The following IL1RAPL1 variants were observed in gnomAD, a reference collection of about 807,000 sequenced individuals.
IL1RAPL1 encodes interleukin 1 receptor accessory protein like 1, also known as interleukin-1 receptor accessory protein-like 1.
A neutral mutation model predicts 48.4 loss-of-function variants in IL1RAPL1; 3 were observed. The observed-to-expected ratio is 0.06, with a 90% CI of 0.03 to 0.16. The LOEUF (loss-of-function observed/expected upper bound fraction) is 0.16. Among genes scored for constraint, IL1RAPL1 ranks in the 10% least tolerant of loss-of-function variants. IL1RAPL1 has a pLI of 1.00. For missense variants in IL1RAPL1, 349 were observed against 530.6 expected (o/e 0.66, Z 3.36); for synonymous variants, 185 against 187.7 (o/e 0.99, Z 0.12).
At chrX:29,944,680 T>C (rs1015973859) in intron 9 of IL1RAPL1, among the ~76,000 whole-genome samples, 2 of 111,816 alleles carry the variant, frequency 1.8e-5, no homozygotes, top group African/African-American at 6.5e-5. Flanking sequence ...TCTTTTACTC[T>C]TGTTTAAACC....
intron 5 of IL1RAPL1, among the ~76,000 whole-genome samples, chrX:29,586,335 T>A (rs952547258): frequency 3.2e-4 from 36 of 111,886 alleles, no homozygotes; most frequent in African/African-American, 1.1e-3. Flanking sequence ...TCGGTACTCC[T>A]GTCAAAGATC....
chrX:29,668,093 A>T (rs905262741), intron 5 of IL1RAPL1, among the ~76,000 whole-genome samples: 3 of 112,372 alleles, frequency 2.7e-5, no homozygotes, highest in African/African-American at 9.7e-5. Flanking sequence ...ACAGAAAAAA[A>T]TGCAGGACAT....
At chrX:29,312,076 G>A (rs1932733514) in intron 3 of IL1RAPL1, among the ~76,000 whole-genome samples, 1 of 111,881 alleles carries the variant, frequency 8.9e-6, no homozygotes, top group African/African-American at 3.3e-5. Flanking sequence ...GGTGGGTGCA[G>A]AATCAAAATT....
chrX:29,636,907 A>G (rs1216225652), intron 5 of IL1RAPL1, among the ~76,000 whole-genome samples: 1 of 110,133 alleles, frequency 9.1e-6, no homozygotes, highest in Admixed American at 9.8e-5. Flanking sequence ...TGGTACAAAT[A>G]CAAAATACAG....
At chrX:28,751,486 T>C (rs1424141819) in intron 1 of IL1RAPL1, among the ~76,000 whole-genome samples, 4 of 112,181 alleles carry the variant, frequency 3.6e-5, no homozygotes, top group Non-Finnish European at 7.5e-5. Flanking sequence ...GTTTATGTTT[T>C]GTAATTAAAT....
intron 3 of IL1RAPL1, among the ~76,000 whole-genome samples, chrX:29,333,769 A>C (rs899630344): frequency 3.7e-4 from 9 of 24,081 alleles, no homozygotes; most frequent in Non-Finnish European, 4.7e-4. Flanking sequence ...GACCCCCCCC[A>C]CCTCCCTCCC....
intron 2 of IL1RAPL1, among the ~76,000 whole-genome samples, chrX:28,865,811 A>G: frequency 8.9e-6 from 1 of 112,338 alleles, no homozygotes; most frequent in East Asian, 2.8e-4. Context: ...ATGCCTCAAG[A>G]TGAAATGTGT....
chrX:29,531,824 C>T (rs1315781919), intron 5 of IL1RAPL1, among the ~76,000 whole-genome samples: 5 of 111,793 alleles, frequency 4.5e-5, no homozygotes, highest in African/African-American at 1.6e-4. Flanking sequence ...CAGCCTCTGC[C>T]TTTATCTTCA....
At chrX:29,775,548 G>A (rs1929175538) in intron 6 of IL1RAPL1, among the ~76,000 whole-genome samples, 1 of 111,251 alleles carries the variant, frequency 9.0e-6, no homozygotes. Context: ...AGAGCTTCCT[G>A]GAGCTTTCAG....
chrX:29,072,329 A>C (rs1295028501), intron 2 of IL1RAPL1, among the ~76,000 whole-genome samples: 1 of 111,615 alleles, frequency 9.0e-6, no homozygotes, highest in Non-Finnish European at 1.9e-5. Flanking sequence ...TGAATCTTAA[A>C]TTACTGGCAC....
At chrX:29,501,750 C>T (rs750245230) in intron 5 of IL1RAPL1, among the ~76,000 whole-genome samples, 1 of 106,620 alleles carries the variant, frequency 9.4e-6, no homozygotes, top group African/African-American at 3.4e-5. Flanking sequence ...TAATGTGATG[C>T]GTACACCTTT....
At chrX:29,544,883 C>T (rs890133880) in intron 5 of IL1RAPL1, among the ~76,000 whole-genome samples, 10 of 109,667 alleles carry the variant, frequency 9.1e-5, no homozygotes, top group South Asian at 3.9e-4. Flanking sequence ...GAGGTAATTA[C>T]GTTAAAAATG....
chrX:29,310,372 G>C (rs1368350766), intron 3 of IL1RAPL1, among the ~76,000 whole-genome samples: 1 of 110,403 alleles, frequency 9.1e-6, no homozygotes, highest in Non-Finnish European at 1.9e-5. Context: ...GCTGAAACTA[G>C]AAAACAGAAC....
chrX:28,766,522 TA>T (rs1403270728), intron 1 of IL1RAPL1, among the ~76,000 whole-genome samples: 4 of 111,878 alleles, frequency 3.6e-5, no homozygotes, highest in African/African-American at 9.7e-5. Context: ...CTCAAGCATT[TA>T]TTTTTTGTGT....
At chrX:29,024,394 G>A (rs949005657) in intron 2 of IL1RAPL1, among the ~76,000 whole-genome samples, 3 of 111,659 alleles carry the variant, frequency 2.7e-5, no homozygotes, top group Admixed American at 9.5e-5. Flanking sequence ...ATTGAATCAC[G>A]TAGTGATTAA....
chrX:29,005,584 C>A (rs774946008), intron 2 of IL1RAPL1, among the ~76,000 whole-genome samples: 3 of 111,623 alleles, frequency 2.7e-5, no homozygotes, highest in African/African-American at 9.8e-5. Flanking sequence ...GAACATTATT[C>A]GAGTAGCTGC....
intron 2 of IL1RAPL1, among the ~76,000 whole-genome samples, chrX:29,046,021 C>T (rs1052029453): frequency 1.6e-4 from 13 of 83,733 alleles, no homozygotes; most frequent in Non-Finnish European, 2.6e-4. Context: ...TCTTTTTCTT[C>T]TTCCTCTTCT....
At chrX:28,919,497 G>A (rs1923566465) in intron 2 of IL1RAPL1, among the ~76,000 whole-genome samples, 1 of 112,090 alleles carries the variant, frequency 8.9e-6, no homozygotes, top group African/African-American at 3.2e-5. Flanking sequence ...AAACTATAGA[G>A]GAATTTTTTT....
intron 3 of IL1RAPL1, among the ~76,000 whole-genome samples, chrX:29,362,677 G>C (rs1933392923): frequency 8.9e-6 from 1 of 111,835 alleles, no homozygotes; most frequent in African/African-American, 3.2e-5. Flanking sequence ...TGTTTGCTGT[G>C]ACCACAGCAT....
Sources: gnomAD v4.1 joint callset for allele counts (sites outside exome capture counted in the v4.1 genomes callset) on GRCh38, gnomAD v4.1.1 for gene constraint, MANE v1.5 for transcripts, NCBI Gene and HGNC (gene_info 2026-07-23, HGNC 2026-07-21) for gene names.